The following SRFBP1 variants were observed in gnomAD, a reference collection of about 807,000 sequenced individuals.
SRFBP1 encodes serum response factor-binding protein 1.
Under a neutral mutation model 45.5 loss-of-function variants are expected in SRFBP1, and 47 were observed. The observed-to-expected ratio is 1.03, with a 90% CI of 0.82 to 1.32. SRFBP1 has a LOEUF of 1.32. Among genes scored for constraint, SRFBP1 ranks in the 40% most tolerant of loss-of-function variants. The pLI is 0.00. For synonymous variants in SRFBP1, 203 were observed against 166.3 expected (o/e 1.22, Z -1.70); for missense variants, 621 against 484.6 (o/e 1.28, Z -2.64).
chr5:122,066,813 G>C, intron 2 of SRFBP1: 1 of 1,025,796 alleles, frequency 9.7e-7, no homozygotes, highest in Non-Finnish European at 1.5e-6. Flanking sequence ...GAGTACAACA[G>C]ACAAATTTAA....
At chr5:122,025,563 T>A (rs1389879287) in intron 7 of SRFBP1, among the ~76,000 whole-genome samples, 2 of 152,208 alleles carry the variant, frequency 1.3e-5, no homozygotes, top group Admixed American at 1.3e-4. Context: ...GTTGAACTAG[T>A]TTACAGTCCC....
intron 2 of SRFBP1, among the ~76,000 whole-genome samples, chr5:122,036,783 G>T (rs1428359588): frequency 3.3e-5 from 5 of 151,882 alleles, no homozygotes; most frequent in African/African-American, 1.2e-4. Flanking sequence ...CCCCTGTTTT[G>T]TCCTAGGTTT....
At chr5:122,014,427 G>A (rs929521612) in intron 4 of SRFBP1, among the ~76,000 whole-genome samples, 3 of 152,042 alleles carry the variant, frequency 2.0e-5, no homozygotes, top group Non-Finnish European at 4.4e-5. Flanking sequence ...CAATGTGAGT[G>A]ACTCTCCGGG....
intron 7 of SRFBP1, 150 bp downstream of exon 7, chr5:122,022,557 AT>A: frequency 1.6e-6 from 1 of 618,020 alleles, no homozygotes; most frequent in African/African-American, 1.9e-5. Context: ...TATCAATATA[AT>A]TTTTTGTTGT....
chr5:121,996,065 G>C (rs1752720137), intron 4 of SRFBP1, among the ~76,000 whole-genome samples: 1 of 150,866 alleles, frequency 6.6e-6, no homozygotes, highest in Admixed American at 6.6e-5. Context: ...TGGACTCACA[G>C]CCGAATTCTA....
At position 122,027,807 on chromosome 5, in the gene SRFBP1, C is replaced by G. The variant is rs1364270115; in HGVS notation, c.*681C>G. The stretch of plus-strand genomic sequence containing the variant: ...TACTTTTTGATTCTAAAATAGTTGT[C>G]TAGGACAATTTTGGGATTCTTAATT... On this transcript the variant is annotated 3_prime_UTR_variant, in exon 8 of 8. Coordinates refer to ENST00000339397, the MANE Select transcript of SRFBP1 (RefSeq NM_152546.3). 1 of 152,004 alleles carries G rather than the reference C, an allele frequency of 6.6e-6. No individual in the cohort carries two copies. Among genetic ancestry groups the G allele is most frequent in the Admixed American group, 6.6e-5 (1 of 15,262 alleles). The allele number at this position is 152,004 out of a possible 1,614,324, so 9.4% of individuals were successfully genotyped here.
chr5:121,974,574 G>A (rs952024361), intron 2 of SRFBP1, among the ~76,000 whole-genome samples: 2 of 151,780 alleles, frequency 1.3e-5, no homozygotes, highest in African/African-American at 2.4e-5. Flanking sequence ...TGTGTGTTTT[G>A]TGTTATCAGA....
At chr5:121,981,612 C>G (rs927517742) in intron 3 of SRFBP1, among the ~76,000 whole-genome samples, 1 of 150,506 alleles carries the variant, frequency 6.6e-6, no homozygotes, top group South Asian at 2.1e-4. Context: ...CAGTTTCAGG[C>G]CCCCTTGCCT....
chr5:121,974,008 T>G lies in SRFBP1; in HGVS notation c.37-188T>G, dbSNP rs528276007. On this transcript the variant is annotated intron_variant, in intron 1 of 7. Coordinates refer to ENST00000339397, the MANE Select transcript of SRFBP1 (RefSeq NM_152546.3). ...TGTTTTTCTTAAGCTCTCAGACACA[T>G]TTTTAGACTGTTGATTTATTCCTTC... Among the ~76,000 whole-genome samples, 20 of 151,988 alleles carry G rather than the reference T, an allele frequency of 1.3e-4. 1 individual carries two copies. Among genetic ancestry groups the G allele is most frequent in the African/African-American group, 4.8e-4 (20 of 41,524 alleles).
chr5:122,062,286 A>G (rs965507646), intron 2 of SRFBP1, among the ~76,000 whole-genome samples: 1 of 151,978 alleles, frequency 6.6e-6, no homozygotes, highest in Non-Finnish European at 1.5e-5. Flanking sequence ...AAAAAGGAGT[A>G]TGGGGAAAGG....
At chr5:121,996,077 C>T (rs1203681825) in intron 4 of SRFBP1, among the ~76,000 whole-genome samples, 23 of 150,342 alleles carry the variant, frequency 1.5e-4, no homozygotes, top group African/African-American at 5.3e-4. Flanking sequence ...CGAATTCTAC[C>T]AGAGGTACAA....
intron 3 of SRFBP1, among the ~76,000 whole-genome samples, chr5:121,987,342 G>GTA (rs1482559645): frequency 6.6e-6 from 1 of 152,112 alleles, no homozygotes. Context: ...AGGAATAGGT[G>GTA]TAGGAAGAAG....
rs374116413 is a variant in SRFBP1, at chr5:121,970,569, G to A, written c.37-3627G>A. ...TTTTTTTTCCTTAAGCCTTGTCTGTGTGCCTTTTCATTTATGCAAAGTATG... is the reference window on the plus strand; with the variant it reads ...TTTTTTTTCCTTAAGCCTTGTCTGTATGCCTTTTCATTTATGCAAAGTATG... On this transcript the variant is annotated intron_variant, in intron 1 of 7. Transcript: ENST00000339397. Among the ~76,000 whole-genome samples, 25 of 150,620 alleles carry A rather than the reference G, an allele frequency of 1.7e-4. No homozygotes were observed. In the East Asian group the frequency reaches 3.1e-3, roughly 19 times the overall value.
intron 4 of SRFBP1, among the ~76,000 whole-genome samples, chr5:122,005,349 A>G (rs1236636593): frequency 1.3e-5 from 2 of 152,166 alleles, no homozygotes; most frequent in African/African-American, 2.4e-5. Flanking sequence ...TTATATATTT[A>G]CAAGTGTTAT....
intron 2 of SRFBP1, among the ~76,000 whole-genome samples, chr5:122,062,996 GT>G (rs1240490219): frequency 6.6e-6 from 1 of 151,862 alleles, no homozygotes; most frequent in Non-Finnish European, 1.5e-5. Flanking sequence ...GGTGATAAAA[GT>G]TTATGTATGA....
At chr5:122,044,483 C>A (rs1407641510) in intron 2 of SRFBP1, among the ~76,000 whole-genome samples, 1 of 151,992 alleles carries the variant, frequency 6.6e-6, no homozygotes, top group Non-Finnish European at 1.5e-5. Flanking sequence ...TGTAAGTATT[C>A]CCTTTTCTCC....
intron 2 of SRFBP1, among the ~76,000 whole-genome samples, chr5:122,044,598 A>G (rs939322877): frequency 5.9e-5 from 9 of 152,002 alleles, no homozygotes; most frequent in Admixed American, 3.3e-4. Flanking sequence ...ACATTTCTCA[A>G]ATGATTAGTG....
chr5:122,061,756 A>T (rs1449418396), intron 2 of SRFBP1, among the ~76,000 whole-genome samples: 5 of 152,024 alleles, frequency 3.3e-5, no homozygotes, highest in Admixed American at 6.6e-5. Context: ...TTTCTAAAAT[A>T]GAACATGGTT....
chr5:122,024,508 A>G (rs983868976), intron 7 of SRFBP1, among the ~76,000 whole-genome samples: 6 of 152,226 alleles, frequency 3.9e-5, no homozygotes, highest in Admixed American at 3.3e-4. Context: ...GGATCCTAGG[A>G]GTTCTCTTCA....
Sources: gnomAD v4.1 joint callset for allele counts (sites outside exome capture counted in the v4.1 genomes callset) on GRCh38, gnomAD v4.1.1 for gene constraint, MANE v1.5 for transcripts, NCBI Gene and HGNC (gene_info 2026-07-23, HGNC 2026-07-21) for gene names.